Variants in NUMA1 observed in about 807,000 individuals in gnomAD.
The protein encoded by NUMA1 is nuclear mitotic apparatus protein 1.
NUMA1 carries 62 observed loss-of-function variants against 237.1 expected under a neutral mutation model. That is an observed-to-expected ratio of 0.26 (90% CI 0.21 to 0.32). The LOEUF is 0.32. Among genes scored for constraint, NUMA1 ranks in the 10% least tolerant of loss-of-function variants. The pLI, the probability that NUMA1 is intolerant of heterozygous loss-of-function variation, is 1.00. For synonymous variants in NUMA1, 1,028 were observed against 1,066.1 expected (o/e 0.96, Z 0.70); for missense variants, 2,533 against 2,666.5 (o/e 0.95, Z 1.10).
rs1938435645 is a variant in NUMA1, at chr11:72,019,548, C to T, written c.530G>A (p.Arg177Lys). The T allele has an allele frequency of 6.2e-7, 1 of 1,613,894 alleles. No individual in the cohort carries two copies. The highest frequency in any genetic ancestry group is 1.1e-5 in the South Asian group (1 of 91,068). The part of the protein sequence containing the change: ...ELSPPSHQAK[R>K]EIRFLELQKV... ...CTGTAGCTCTAGGAAGCGAATCTCC[C>T]TCTTGGCCTGGTGGCTAGGTGGGGA... The change falls in exon 9 of 27, where the codon AGG becomes AAG. Residue 177 changes from arginine to lysine, a missense_variant. By Grantham distance (26) the Arg-to-Lys change is conservative (BLOSUM62 2). Transcript: ENST00000393695.
intron 16 of NUMA1, among the ~76,000 whole-genome samples, chr11:72,011,197 T>A (rs1223990826): frequency 1.3e-5 from 2 of 152,080 alleles, no homozygotes; most frequent in East Asian, 1.9e-4. Flanking sequence ...GCCGCCACAC[T>A]CTGCAGCCGC....
Position 72,017,747 on chromosome 11 carries a change from C to T in NUMA1, c.1059G>A (p.Gln353=). The change falls in exon 13 of 27, where the codon CAG becomes CAA. Residue 353 remains glutamine, a synonymous_variant. Transcript: ENST00000393695. The stretch of plus-strand genomic sequence containing the variant: ...GCTGGGCCTGCTTCTCTAGCCACTC[C>T]TGAGTGGCCTTGCTGTGCTCCTCCG... ...ELTEEHSKAT[Q]EWLEKQAQLE... 6.2e-7 allele frequency: 1 copy of T among 1,613,504 alleles called. No homozygotes were observed. Among genetic ancestry groups the T allele is most frequent in the Non-Finnish European group, 8.5e-7 (1 of 1,179,972 alleles).
rs57438678 is a variant in NUMA1 at position 72,036,330 on chromosome 11, G to C, written c.-32-355C>G. Among the ~76,000 whole-genome samples, 1,446 of 152,350 alleles carry C rather than the reference G, an allele frequency of 9.5e-3. 13 individuals carry two copies. The highest frequency in any genetic ancestry group is 0.033 in the African/African-American group (1,381 of 41,582). On this transcript the variant is annotated intron_variant, in intron 2 of 26. Coordinates refer to ENST00000393695, the MANE Select transcript of NUMA1 (RefSeq NM_006185.4). ...TCAGACAGACCTGGGTCTGGATGCT[G>C]ATTTAATGTGACCAGGGTCATAGGA...
At position 72,049,563 on chromosome 11, in the gene NUMA1, ATATATATATAT is replaced by A. The variant is rs1308316857; in HGVS notation, c.-32-13599_-32-13589del. The A allele has an allele frequency of 7.7e-4, 13 of 16,818 alleles. 3 individuals are homozygous for A. The highest frequency in any genetic ancestry group is 1.4e-3 in the African/African-American group (11 of 7,876). The allele number at this position is 16,818 out of a possible 1,614,324, so 1.0% of individuals were successfully genotyped here. A position where few individuals can be genotyped will look rare whatever the true frequency, so the allele number is the denominator to read the frequency against. ...GTCTAAAAAAAAAAATAATAATAAT[ATATATATATAT>A]ATATATATAGTGTGTGTGTGTGTAT... On this transcript the variant is annotated intron_variant, in intron 2 of 26. Coordinates refer to ENST00000393695, the MANE Select transcript of NUMA1 (RefSeq NM_006185.4).
rs12276164 is a variant in NUMA1, at chr11:72,048,957, G to A, written c.-32-12982C>T. Among the ~76,000 whole-genome samples the A allele has an allele frequency of 4.4e-3, 665 of 152,262 alleles. 3 individuals carry two copies. Among genetic ancestry groups the A allele is most frequent in the African/African-American group, 0.015 (638 of 41,558 alleles). The stretch of plus-strand genomic sequence containing the variant: ...CATGGCCTCATTGTCCCTCTCCAGA[G>A]GATAATGGCTGATTAATGAGGCAGT... On this transcript the variant is annotated intron_variant, in intron 2 of 26. Coordinates refer to ENST00000393695, the MANE Select transcript of NUMA1 (RefSeq NM_006185.4).
At chr11:72,029,331 C>T in intron 3 of NUMA1, 41 bp from the exon 4 acceptor site, 1 of 1,071,442 alleles carries the variant, frequency 9.3e-7, no homozygotes, top group Non-Finnish European at 1.3e-6. Flanking sequence ...CCGTTAGAAG[C>T]AACATGGTTT....
chr11:72,025,084 G>A (rs1363638655), intron 4 of NUMA1, among the ~76,000 whole-genome samples: 1 of 152,190 alleles, frequency 6.6e-6, no homozygotes, highest in African/African-American at 2.4e-5. Flanking sequence ...TTTTAGTAGA[G>A]ATGGGGTTTC....
At chr11:72,075,583 T>A (rs1943668536) in intron 1 of NUMA1, among the ~76,000 whole-genome samples, 1 of 152,196 alleles carries the variant, frequency 6.6e-6, no homozygotes, top group African/African-American at 2.4e-5. Context: ...GACTTCTAGG[T>A]TCTGGTAGCC....
At chr11:72,078,273 A>G (rs953103403) in intron 1 of NUMA1, among the ~76,000 whole-genome samples, 6 of 152,210 alleles carry the variant, frequency 3.9e-5, no homozygotes, top group Non-Finnish European at 8.8e-5. Context: ...TCTGGACAAC[A>G]CCTTTTGGTA....
chr11:72,031,047 T>C (rs1450259621), intron 3 of NUMA1, among the ~76,000 whole-genome samples: 1 of 151,818 alleles, frequency 6.6e-6, no homozygotes, highest in Non-Finnish European at 1.5e-5. Flanking sequence ...CCCAGCACTT[T>C]GGGAGGCTGA....
chr11:72,049,907 G>A (rs752387585), intron 2 of NUMA1, among the ~76,000 whole-genome samples: 1 of 151,904 alleles, frequency 6.6e-6, no homozygotes, highest in Non-Finnish European at 1.5e-5. Context: ...AACAAATCTT[G>A]TAGTAGAACT....
rs1401934278 is a variant in NUMA1 at position 72,013,309 on chromosome 11, C to A, written c.4194G>T (p.Glu1398Asp). The A allele has an allele frequency of 5.0e-6, 8 of 1,605,144 alleles. No individual in the cohort carries two copies. The African/African-American group carries it at 1.1e-4, about 21-fold the overall frequency. ...SKQAAGGLRA[E>D]LLRAQRELGE... The stretch of plus-strand genomic sequence containing the variant: ...CAAGCTCCCGCTGGGCCCGCAGCAG[C>A]TCTGCCCGCAGTCCCCCAGCGGCCT... The change falls in exon 15 of 27, where the codon GAG becomes GAT. Residue 1398 changes from glutamate (E) to aspartate (D), a missense_variant. Glu to Asp is a conservative substitution (Grantham distance 45). Coordinates refer to ENST00000393695, the MANE Select transcript of NUMA1 (RefSeq NM_006185.4). This position sits in a 1 kb window ranked among gnomAD's most constrained non-coding sequence, Gnocchi z 6.8.
At chr11:72,076,782 C>CT (rs1943729701) in intron 1 of NUMA1, 1 of 150,182 alleles carries the variant, frequency 6.7e-6, no homozygotes, top group Non-Finnish European at 1.5e-5. Context: ...TAAAATCCAT[C>CT]TTAAAAAAAA....
At chr11:72,008,438 G>T in intron 20 of NUMA1, 2 of 509,886 alleles carry the variant, frequency 3.9e-6, no homozygotes, top group Non-Finnish European at 7.1e-6. Context: ...TGCTCTTCTC[G>T]TCAACCTGGC....
At chr11:72,005,907 G>A in intron 22 of NUMA1, 128 bp downstream of exon 22, 1 of 759,680 alleles carries the variant, frequency 1.3e-6, no homozygotes, top group Non-Finnish European at 2.2e-6. Context: ...GGAAGGAGGG[G>A]CAGGTGGAGC....
intron 2 of NUMA1, among the ~76,000 whole-genome samples, chr11:72,058,432 A>G (rs1478149250): frequency 6.6e-6 from 1 of 152,220 alleles, no homozygotes; most frequent in Non-Finnish European, 1.5e-5. Flanking sequence ...ATTCTAACTC[A>G]TACTTTTAAA....
rs1322129092 is a variant in NUMA1 at position 72,008,735 on chromosome 11, G to A, written c.5169C>T (p.Asp1723=). The A allele has an allele frequency of 3.1e-6, 5 of 1,614,108 alleles. No individual in the cohort carries two copies. The highest frequency in any genetic ancestry group is 2.2e-5 in the East Asian group (1 of 44,884). Residue 1723 remains aspartate, a synonymous_variant, in exon 20 of 27, where the codon GAC becomes GAT. Transcript: ENST00000393695. ...CCTCCTCGCAGCTCAGATCCAGGCT[G>A]TCAATACTCAAGTCCAGCTGGGGCT... ...QAKPQLDLSI[D]SLDLSCEEGT...
chr11:72,014,759 T>G lies in NUMA1; in HGVS notation c.2744A>C (p.Glu915Ala). The G allele has an allele frequency of 6.2e-7, 1 of 1,614,138 alleles. No homozygotes were observed. The highest frequency in any genetic ancestry group is 1.3e-5 in the African/African-American group (1 of 75,060). Residue 915 changes from glutamate (E) to alanine (A), a missense_variant, in exon 15 of 27, where the codon GAG (glutamate) becomes GCG (alanine). Physicochemically the swap from Glu to Ala is moderately radical, Grantham distance 107. Transcript: ENST00000393695. This position sits in a 1 kb window ranked among gnomAD's most constrained non-coding sequence, Gnocchi z 4.6. ...CACCAAGGTCTCCAAGCGGGCCACC[T>G]CTTTGCTGGTGGCAGCCATCTTTTC... is the stretch of plus-strand genomic sequence containing the variant. ...LQEKMAATSKEVARLETLVRK... is the reference protein window; with the variant it reads ...LQEKMAATSKAVARLETLVRK...
intron 2 of NUMA1, among the ~76,000 whole-genome samples, chr11:72,044,442 G>A (rs1274869512): frequency 5.9e-5 from 9 of 151,986 alleles, no homozygotes; most frequent in Non-Finnish European, 8.8e-5. Flanking sequence ...GCCAGAGAGG[G>A]TATTCTGCCT....
Sources: allele counts gnomAD v4.1 joint callset (sites outside exome capture counted in the v4.1 genomes callset), GRCh38; gene constraint gnomAD v4.1.1; non-coding constraint Gnocchi (gnomAD v3.1); transcripts MANE v1.5; gene names NCBI Gene and HGNC (gene_info 2026-07-23, HGNC 2026-07-21).